Variants in FKTN observed in about 807,000 individuals in gnomAD.
FKTN encodes the protein ribitol-5-phosphate transferase FKTN.
A neutral mutation model predicts 58.6 loss-of-function variants in FKTN; 47 were observed. That is an observed-to-expected ratio of 0.80 (90% CI 0.63 to 1.02). The LOEUF (loss-of-function observed/expected upper bound fraction) is 1.02. FKTN is among the 50% of genes least tolerant of loss of function. The pLI is 0.00. For synonymous variants in FKTN, 178 were observed against 191.9 expected, an observed-to-expected ratio of 0.93 and a Z score of 0.60; for missense variants, 516 against 537.3, an observed-to-expected ratio of 0.96 and a Z score of 0.39.
intron 7 of FKTN, among the ~76,000 whole-genome samples, chr9:105,611,683 T>C (rs1829939156): frequency 6.6e-6 from 1 of 152,206 alleles, no homozygotes; most frequent in African/African-American, 2.4e-5. Context: ...ATCTTGTTCT[T>C]TTTTATGGCT....
chr9:105,606,427 T>G (rs1828899869), intron 6 of FKTN, among the ~76,000 whole-genome samples: 1 of 151,968 alleles, frequency 6.6e-6, no homozygotes, highest in Non-Finnish European at 1.5e-5. Context: ...ATTACAGGAT[T>G]AAAAACATTC....
chr9:105,579,076 C>T (rs908341259), intron 3 of FKTN, among the ~76,000 whole-genome samples: 100 of 151,880 alleles, frequency 6.6e-4, no homozygotes, highest in African/African-American at 2.4e-3. Context: ...ATTAGTCTTG[C>T]TAGTGGTCTA....
chr9:105,615,544 G>A, intron 8 of FKTN, 137 bp downstream of exon 8: 2 of 805,634 alleles, frequency 2.5e-6, no homozygotes, highest in South Asian at 1.4e-5. Context: ...AGTGCATGCA[G>A]CAAGGATCTA....
In FKTN at chr9:105,636,810, G is replaced by T; in HGVS notation, c.*1546G>T. 2.5e-6 allele frequency: 3 copies of T among 1,222,220 alleles called. No individual in the cohort carries two copies. The highest frequency in any genetic ancestry group is 3.2e-6 in the Non-Finnish European group (3 of 937,978). 75.7% of individuals were successfully genotyped at this position (1,222,220 alleles called of 1,614,324 possible). A position where few individuals can be genotyped will look rare whatever the true frequency, so the allele number is the denominator to read the frequency against. ...GAATGTCTGAGGGAATGGGCTGGTA[G>T]ACTTTTTCGAAAACAAATTAGAGAA... On this transcript the variant is annotated 3_prime_UTR_variant, in exon 11 of 11. Transcript: ENST00000357998.
At chr9:105,585,584 G>A (rs1843760494) in intron 3 of FKTN, among the ~76,000 whole-genome samples, 2 of 152,128 alleles carry the variant, frequency 1.3e-5, no homozygotes, top group South Asian at 4.1e-4. Flanking sequence ...CTTACACGCA[G>A]CGTTTTTGAA....
At chr9:105,569,972 A>G (rs1175109892) in intron 1 of FKTN, among the ~76,000 whole-genome samples, 1 of 152,240 alleles carries the variant, frequency 6.6e-6, no homozygotes, top group East Asian at 1.9e-4. Flanking sequence ...TGTTTTTATT[A>G]TGATAGCTAA....
At position 105,635,750 on chromosome 9, in the gene FKTN, A is replaced by C; in HGVS notation, c.*486A>C. On this transcript the variant is annotated 3_prime_UTR_variant, in exon 11 of 11. Coordinates refer to ENST00000357998, the MANE Select transcript of FKTN (RefSeq NM_001079802.2). ...ATTGTGGAGTCTGAGTTAATATTCA[A>C]GTGATCAGACTTTGAGTGACATCAA... 3.0e-6 allele frequency: 3 copies of C among 1,013,052 alleles called. No individual in the cohort carries two copies. Among genetic ancestry groups the C allele is most frequent in the African/African-American group, 1.7e-5 (1 of 57,842 alleles). The allele number at this position is 1,013,052 out of a possible 1,614,324, so 62.8% of individuals were successfully genotyped here.
chr9:105,581,084 GT>G (rs1842790026), intron 3 of FKTN, among the ~76,000 whole-genome samples: 2 of 149,566 alleles, frequency 1.3e-5, no homozygotes, highest in African/African-American at 5.0e-5. Flanking sequence ...TTTTTTCAAA[GT>G]TTTTAACTTC....
chr9:105,626,740 A>G (rs530614738), intron 10 of FKTN, among the ~76,000 whole-genome samples: 1 of 152,218 alleles, frequency 6.6e-6, no homozygotes, highest in South Asian at 2.1e-4. Flanking sequence ...ATTTTTACCA[A>G]CGCTTGGCAT....
chr9:105,623,697 A>G (rs1338361501), intron 10 of FKTN, among the ~76,000 whole-genome samples: 1 of 152,174 alleles, frequency 6.6e-6, no homozygotes, highest in Non-Finnish European at 1.5e-5. Flanking sequence ...ACCAACTGCT[A>G]TGTGCTAAGG....
At chr9:105,615,234 A>T in intron 7 of FKTN, 44 bp from the exon 8 acceptor site, 1 of 1,605,290 alleles carries the variant, frequency 6.2e-7, no homozygotes, top group Non-Finnish European at 8.5e-7. Context: ...GTTCCTAGCA[A>T]TTTAGAAATG....
At chr9:105,579,408 T>G (rs1842418928) in intron 3 of FKTN, among the ~76,000 whole-genome samples, 1 of 152,120 alleles carries the variant, frequency 6.6e-6, no homozygotes. Flanking sequence ...TATTTCTGCC[T>G]TCATTTCGTT....
chr9:105,566,767 A>G (rs537133124), intron 1 of FKTN, among the ~76,000 whole-genome samples: 14 of 152,236 alleles, frequency 9.2e-5, no homozygotes, highest in Non-Finnish European at 8.8e-5. Flanking sequence ...TCAACAGAAA[A>G]AGAGGGAATC....
At position 105,575,672 on chromosome 9, in the gene FKTN, T is replaced by G. The variant is rs111599005; in HGVS notation, c.105+535T>G. Among the ~76,000 whole-genome samples the G allele has an allele frequency of 6.6e-3, 1,005 of 152,306 alleles. 17 individuals carry two copies. Among genetic ancestry groups the G allele is most frequent in the African/African-American group, 0.023 (953 of 41,562 alleles). On this transcript the variant is annotated intron_variant, in intron 3 of 10. Transcript: ENST00000357998. ...GCCAAACACTCCCTCTGGGGTGTAT[T>G]ATAATAATTACTACCATCACTGATA...
intron 1 of FKTN, among the ~76,000 whole-genome samples, chr9:105,565,483 G>C (rs960504088): frequency 6.6e-6 from 1 of 152,082 alleles, no homozygotes; most frequent in African/African-American, 2.4e-5. Context: ...AACAAAAAAA[G>C]GTAGGGGTTG....
intron 3 of FKTN, among the ~76,000 whole-genome samples, chr9:105,595,313 G>T (rs78976366): frequency 4.6e-5 from 7 of 152,158 alleles, no homozygotes; most frequent in African/African-American, 1.7e-4. Context: ...TTTATGGTAT[G>T]TGAATTATAT....
intron 3 of FKTN, among the ~76,000 whole-genome samples, chr9:105,576,953 G>A (rs1403102478): frequency 9.4e-6 from 1 of 106,408 alleles, no homozygotes; most frequent in South Asian, 2.9e-4. Flanking sequence ...TCTTTTGGCT[G>A]CATAAATGTC....
chr9:105,601,418 A>G, intron 5 of FKTN, 70 bp downstream of exon 5: 1 of 1,126,708 alleles, frequency 8.9e-7, no homozygotes, highest in Non-Finnish European at 1.3e-6. Context: ...AGGCTAGTTT[A>G]AAATGTAAAA....
chr9:105,601,006 A>AT, intron 4 of FKTN, 139 bp from the exon 5 acceptor site: 1 of 619,978 alleles, frequency 1.6e-6, no homozygotes, highest in Non-Finnish European at 2.9e-6. Flanking sequence ...AATCATTTGT[A>AT]TTTTTTAGCA....
Sources: allele counts gnomAD v4.1 joint callset (sites outside exome capture counted in the v4.1 genomes callset), GRCh38; gene constraint gnomAD v4.1.1; transcripts MANE v1.5; gene names NCBI Gene and HGNC (gene_info 2026-07-23, HGNC 2026-07-21).